Variants in BANK1 observed in about 807,000 individuals in gnomAD.
BANK1 encodes B-cell scaffold protein with ankyrin repeats.
A neutral mutation model predicts 94.5 loss-of-function variants in BANK1; 95 were observed. The ratio of observed to expected loss-of-function variants is 1.00; its 90% CI spans 0.85 to 1.19. The LOEUF is 1.19. BANK1 is among the 50% of genes most tolerant of loss of function. The pLI is 0.00. For missense variants in BANK1, 987 were observed against 932.2 expected (o/e 1.06, Z -0.77); for synonymous variants, 334 against 308.4 (o/e 1.08, Z -0.87).
chr4:101,918,878 A>G (rs1335312255), intron 7 of BANK1, among the ~76,000 whole-genome samples: 3 of 151,980 alleles, frequency 2.0e-5, no homozygotes, highest in African/African-American at 7.2e-5. Flanking sequence ...CTTCAGAAAC[A>G]ATCATTGGTA....
intron 11 of BANK1, among the ~76,000 whole-genome samples, chr4:102,047,451 A>T (rs1405495811): frequency 6.6e-6 from 1 of 152,106 alleles, no homozygotes; most frequent in African/African-American, 2.4e-5. Flanking sequence ...GTCTACTATT[A>T]TCCTCCCACT....
At chr4:101,870,437 C>T (rs1042308570) in intron 4 of BANK1, 68 bp from the exon 5 acceptor site, 2 of 1,337,358 alleles carry the variant, frequency 1.5e-6, no homozygotes, top group Non-Finnish European at 2.0e-6. Flanking sequence ...TTTATATTCT[C>T]TAAAAGATGT....
chr4:101,958,274 A>G (rs1724435332), intron 7 of BANK1, among the ~76,000 whole-genome samples: 1 of 152,130 alleles, frequency 6.6e-6, no homozygotes, highest in Non-Finnish European at 1.5e-5. Context: ...GAAAGACACT[A>G]CCATCCCCAT....
intron 7 of BANK1, among the ~76,000 whole-genome samples, chr4:101,989,542 G>T (rs552920467): frequency 6.9e-6 from 1 of 145,362 alleles, no homozygotes; most frequent in Non-Finnish European, 1.5e-5. Context: ...TTTCAATTTT[G>T]TCAATTCCTG....
chr4:101,919,353 A>C (rs1039491463), intron 7 of BANK1, among the ~76,000 whole-genome samples: 7 of 151,942 alleles, frequency 4.6e-5, no homozygotes, highest in Admixed American at 1.3e-4. Flanking sequence ...TCATTCTTCC[A>C]CTTCTTGCTC....
At chr4:101,924,830 GT>G (rs1265345573) in intron 7 of BANK1, among the ~76,000 whole-genome samples, 1 of 151,518 alleles carries the variant, frequency 6.6e-6, no homozygotes, top group Non-Finnish European at 1.5e-5. Context: ...CATCACTCAG[GT>G]TTTTTATATC....
At chr4:102,013,813 C>A (rs1726601043) in intron 7 of BANK1, among the ~76,000 whole-genome samples, 1 of 151,852 alleles carries the variant, frequency 6.6e-6, no homozygotes, top group African/African-American at 2.4e-5. Context: ...CACATAAACA[C>A]AATTTGGTCA....
intron 3 of BANK1, among the ~76,000 whole-genome samples, chr4:101,861,465 C>T (rs1727873955): frequency 6.6e-6 from 1 of 151,674 alleles, no homozygotes; most frequent in Admixed American, 6.6e-5. Context: ...TTGAAGAAAG[C>T]TTTTGAAGGG....
At chr4:101,908,183 G>A (rs1298489873) in intron 6 of BANK1, among the ~76,000 whole-genome samples, 2 of 152,180 alleles carry the variant, frequency 1.3e-5, no homozygotes, top group Non-Finnish European at 2.9e-5. Context: ...AACCAAAACA[G>A]CATGGTACTG....
intron 6 of BANK1, among the ~76,000 whole-genome samples, chr4:101,898,265 C>A (rs1722160157): frequency 6.6e-6 from 1 of 151,880 alleles, no homozygotes; most frequent in Admixed American, 6.6e-5. Context: ...GAATATCTAG[C>A]CTTTAAGACT....
chr4:101,813,605 C>A (rs890929447), intron 1 of BANK1, among the ~76,000 whole-genome samples: 2 of 152,118 alleles, frequency 1.3e-5, no homozygotes, highest in African/African-American at 4.8e-5. Flanking sequence ...CGTCCTTGAC[C>A]GCATTATGTA....
At chr4:101,959,620 T>C (rs1448051661) in intron 7 of BANK1, among the ~76,000 whole-genome samples, 1 of 152,204 alleles carries the variant, frequency 6.6e-6, no homozygotes, top group Non-Finnish European at 1.5e-5. Context: ...TTCTCTAATA[T>C]ATTCACCTGT....
rs777629504 is a variant in BANK1 at position 102,060,321 on chromosome 4, A to G, written c.2080A>G (p.Met694Val). ...QEKVKNGKMS[M>V]DEALEKFKHW... ...GAAAGTAAAGAATGGGAAAATGTCT[A>G]TGGATGAAGCTCTGGAGAAATTTAA... Residue 694 changes from methionine (M) to valine (V), a missense_variant, in exon 12 of 17, where the codon ATG becomes GTG. By Grantham distance (21) the Met-to-Val change is conservative (BLOSUM62 1). Coordinates refer to ENST00000322953, the MANE Select transcript of BANK1 (RefSeq NM_017935.5). The G allele has an allele frequency of 5.6e-6, 9 of 1,610,512 alleles. No homozygotes were observed. The highest frequency in any genetic ancestry group is 3.3e-5 in the South Asian group (3 of 90,352).
intron 2 of BANK1, among the ~76,000 whole-genome samples, chr4:101,848,269 G>A (rs879685130): frequency 5.3e-5 from 8 of 152,046 alleles, no homozygotes; most frequent in Non-Finnish European, 1.0e-4. Context: ...GGGTCCTCTC[G>A]GGATTGCTGG....
chr4:102,032,566 C>A (rs573420439), intron 10 of BANK1, among the ~76,000 whole-genome samples: 2 of 152,084 alleles, frequency 1.3e-5, no homozygotes, highest in South Asian at 4.2e-4. Flanking sequence ...TATGGCTATT[C>A]TTAGCTATGT....
At chr4:101,943,962 T>C (rs1455794122) in intron 7 of BANK1, among the ~76,000 whole-genome samples, 1 of 151,784 alleles carries the variant, frequency 6.6e-6, no homozygotes, top group African/African-American at 2.4e-5. Flanking sequence ...AAATAGTATA[T>C]GCAGTTTGCT....
chr4:102,045,616 A>G (rs181522789), intron 11 of BANK1, among the ~76,000 whole-genome samples: 4 of 152,190 alleles, frequency 2.6e-5, no homozygotes, highest in East Asian at 1.9e-4. Flanking sequence ...AAATCAATGT[A>G]CAAAAATCAC....
intron 7 of BANK1, among the ~76,000 whole-genome samples, chr4:101,953,807 G>A (rs1724250653): frequency 1.3e-5 from 2 of 152,066 alleles, no homozygotes; most frequent in African/African-American, 2.4e-5. Flanking sequence ...TTTTGTGAAT[G>A]ATAAGATAGT....
At chr4:102,016,610 G>A (rs892725825) in intron 7 of BANK1, among the ~76,000 whole-genome samples, 1 of 152,022 alleles carries the variant, frequency 6.6e-6, no homozygotes, top group Non-Finnish European at 1.5e-5. Context: ...CCATCATCAG[G>A]GTCACCGGTG....
Sources: gnomAD v4.1 joint callset for allele counts (sites outside exome capture counted in the v4.1 genomes callset) on GRCh38, gnomAD v4.1.1 for gene constraint, MANE v1.5 for transcripts, NCBI Gene and HGNC (gene_info 2026-07-23, HGNC 2026-07-21) for gene names.